The following SCLT1 variants were observed in gnomAD, a reference collection of about 807,000 sequenced individuals.
The protein encoded by SCLT1 is sodium channel-associated protein 1.
In SCLT1, 78 loss-of-function variants were observed where a neutral mutation model predicts 112.8. The ratio of observed to expected loss-of-function variants is 0.69; its 90% confidence interval spans 0.58 to 0.83. The LOEUF (loss-of-function observed/expected upper bound fraction) is 0.83. Ranked by LOEUF, SCLT1 falls within the 40% of genes least tolerant of loss-of-function variation. The pLI is 0.00. For missense variants in SCLT1, 747 were observed against 770.4 expected (o/e 0.97, Z 0.36); for synonymous variants, 257 against 254.7 (o/e 1.01, Z -0.09).
At chr4:129,031,624 C>A (rs1195004763) in intron 5 of SCLT1, among the ~76,000 whole-genome samples, 1 of 152,124 alleles carries the variant, frequency 6.6e-6, no homozygotes, top group East Asian at 1.9e-4. Flanking sequence ...TCTCAGGATA[C>A]CAAATTAATG....
intron 14 of SCLT1, among the ~76,000 whole-genome samples, chr4:128,951,637 C>T (rs1013636096): frequency 1.3e-5 from 2 of 151,948 alleles, no homozygotes; most frequent in African/African-American, 4.8e-5. Flanking sequence ...CCTCTTTTTC[C>T]ACAAAGATAC....
intron 6 of SCLT1, among the ~76,000 whole-genome samples, chr4:129,003,356 C>A (rs1449113891): frequency 1.3e-5 from 2 of 149,630 alleles, no homozygotes; most frequent in Non-Finnish European, 3.0e-5. Context: ...ATGGGTGCAG[C>A]AAACCACCAT....
chr4:129,087,547 G>A (rs1039877900), intron 1 of SCLT1, among the ~76,000 whole-genome samples: 26 of 151,336 alleles, frequency 1.7e-4, no homozygotes, highest in African/African-American at 4.6e-4. Context: ...AGGAGTTCAA[G>A]ACCAGCCTGG....
intron 8 of SCLT1, among the ~76,000 whole-genome samples, chr4:128,996,671 A>G (rs560211570): frequency 6.6e-6 from 1 of 152,138 alleles, no homozygotes; most frequent in South Asian, 2.1e-4. Context: ...TTAACCACCT[A>G]TATAGTCTTT....
intron 5 of SCLT1, among the ~76,000 whole-genome samples, chr4:129,026,113 A>G (rs1312826023): frequency 6.6e-6 from 1 of 152,110 alleles, no homozygotes; most frequent in Admixed American, 6.6e-5. Context: ...AGACTTTAAC[A>G]CCCCACTGTC....
chr4:128,965,156 A>T (rs1740066425), intron 11 of SCLT1, 71 bp downstream of exon 11: 1 of 764,328 alleles, frequency 1.3e-6, no homozygotes, highest in Non-Finnish European at 2.3e-6. Flanking sequence ...AGTAAATATC[A>T]CACACTGAAA....
At chr4:128,933,614 G>A (rs1225883731) in intron 18 of SCLT1, among the ~76,000 whole-genome samples, 1 of 152,020 alleles carries the variant, frequency 6.6e-6, no homozygotes, top group Non-Finnish European at 1.5e-5. Context: ...TTTCTTTTAG[G>A]AGACCTCATT....
chr4:128,910,702 A>G (rs1368151289), intron 18 of SCLT1, among the ~76,000 whole-genome samples: 1 of 152,056 alleles, frequency 6.6e-6, no homozygotes, highest in Non-Finnish European at 1.5e-5. Context: ...TTTTACACTT[A>G]GCTCTTTAAT....
chr4:129,015,359 G>A (rs1179305566), intron 5 of SCLT1, among the ~76,000 whole-genome samples: 1 of 152,120 alleles, frequency 6.6e-6, no homozygotes, highest in Non-Finnish European at 1.5e-5. Context: ...TAGCACACAA[G>A]CTATGATGTG....
intron 2 of SCLT1, among the ~76,000 whole-genome samples, chr4:129,068,724 G>T (rs1315738925): frequency 1.3e-5 from 2 of 152,190 alleles, no homozygotes; most frequent in African/African-American, 4.8e-5. Flanking sequence ...TCTGTGGATT[G>T]TCTGTTTACT....
chr4:128,916,301 G>T (rs1311892511), intron 18 of SCLT1, among the ~76,000 whole-genome samples: 1 of 152,136 alleles, frequency 6.6e-6, no homozygotes, highest in African/African-American at 2.4e-5. Flanking sequence ...TATTATTGCA[G>T]TTAATATATA....
At position 129,003,722 on chromosome 4, in the gene SCLT1, A is replaced by T. The variant is rs1293964004; in HGVS notation, c.426+19T>A. ...TATGTTAATTCAGAATATAATTTTTAAAAATACATGTCACTCACTTGATTG... is the reference window on the plus strand; with the variant it reads ...TATGTTAATTCAGAATATAATTTTTTAAAATACATGTCACTCACTTGATTG... On this transcript the variant is annotated intron_variant, in intron 6 of 20. Transcript: ENST00000281142. The T allele has an allele frequency of 6.4e-6, 10 of 1,568,800 alleles. No homozygotes were observed. Among genetic ancestry groups the T allele is most frequent in the South Asian group, 3.6e-5 (3 of 82,346 alleles).
intron 14 of SCLT1, among the ~76,000 whole-genome samples, chr4:128,950,099 T>A (rs73850064): frequency 2.5e-4 from 38 of 152,146 alleles, no homozygotes; most frequent in Non-Finnish European, 4.7e-4. Flanking sequence ...CCTGAGTGTA[T>A]ACAAAATGCA....
intron 11 of SCLT1, among the ~76,000 whole-genome samples, chr4:128,962,168 T>G (rs1261265981): frequency 6.6e-6 from 1 of 152,246 alleles, no homozygotes; most frequent in East Asian, 1.9e-4. Flanking sequence ...GTTGAGCATT[T>G]AAATGTAATT....
intron 18 of SCLT1, among the ~76,000 whole-genome samples, chr4:128,908,687 C>T (rs889140344): frequency 2.6e-5 from 4 of 152,202 alleles, no homozygotes; most frequent in Non-Finnish European, 4.4e-5. Flanking sequence ...ACAGTGTTCA[C>T]CAGACATTCC....
downstream of SCLT1, among the ~76,000 whole-genome samples, chr4:128,881,048 T>G (rs1169105904): frequency 6.6e-6 from 1 of 152,136 alleles, no homozygotes; most frequent in Non-Finnish European, 1.5e-5. Flanking sequence ...TTCTGTCCTA[T>G]GACTTTTATT....
At chr4:129,041,269 A>G (rs1438209142) in intron 4 of SCLT1, among the ~76,000 whole-genome samples, 1 of 152,216 alleles carries the variant, frequency 6.6e-6, no homozygotes, top group East Asian at 1.9e-4. Context: ...AAATAACTAC[A>G]GGCTAAAAAA....
intron 18 of SCLT1, among the ~76,000 whole-genome samples, chr4:128,921,577 G>A (rs1735885906): frequency 6.6e-6 from 1 of 152,126 alleles, no homozygotes; most frequent in African/African-American, 2.4e-5. Context: ...TTCAATAAAT[G>A]GTGCTCAGAT....
intron 5 of SCLT1, among the ~76,000 whole-genome samples, chr4:129,024,436 CAG>C (rs1745818992): frequency 6.6e-6 from 1 of 152,330 alleles, no homozygotes; most frequent in African/African-American, 2.4e-5. Flanking sequence ...CCCAGGCAAA[CAG>C]GGTCTGGAAT....
Sources: allele counts gnomAD v4.1 joint callset (sites outside exome capture counted in the v4.1 genomes callset), GRCh38; gene constraint gnomAD v4.1.1; transcripts MANE v1.5; gene names NCBI Gene and HGNC (gene_info 2026-07-23, HGNC 2026-07-21).